The following PDE4D variants were observed in gnomAD, a reference collection of about 807,000 sequenced individuals.
PDE4D encodes the protein phosphodiesterase 4D.
PDE4D carries 24 observed loss-of-function variants against 87.4 expected under a neutral mutation model. That is an observed-to-expected ratio of 0.27 (90% CI 0.20 to 0.39). The LOEUF is 0.39. Ranked by LOEUF, PDE4D falls within the 10% of genes least tolerant of loss-of-function variation. The probability of loss-of-function intolerance (pLI) is 1.00; values close to 1 mark genes in which losing one functional copy is unlikely to be tolerated. For missense variants in PDE4D, 714 were observed against 1,041.0 expected (o/e 0.69, Z 4.32); for synonymous variants, 384 against 383.2 (o/e 1.00, Z -0.02).
chr5:59,156,886 A>G (rs1018694216), intron 5 of PDE4D, among the ~76,000 whole-genome samples: 4 of 152,148 alleles, frequency 2.6e-5, no homozygotes, highest in Admixed American at 1.3e-4. Context: ...TCTTTCTACC[A>G]TGTAATGCCT....
rs1356310097 is a variant in PDE4D, at chr5:59,817,740, A to ACC, written c.455+75427_455+75428insGG. On this transcript the variant is annotated intron_variant, in intron 1 of 14. Transcript: ENST00000340635. ...GGCACGCGCGCGCGCGCACACACCC[A>ACC]CACCCCCCCCCACACACACACAGAA... Among the ~76,000 whole-genome samples the ACC allele has an allele frequency of 1.3e-3, 164 of 127,174 alleles. 1 individual carries two copies. Among genetic ancestry groups the ACC allele is most frequent in the Middle Eastern group, 4.6e-3 (1 of 218 alleles). The allele number at this position is 127,174 out of a possible 152,430, so 83.4% of individuals were successfully genotyped here.
intron 1 of PDE4D, among the ~76,000 whole-genome samples, chr5:59,354,224 C>T (rs1780983401): frequency 6.6e-6 from 1 of 152,062 alleles, no homozygotes; most frequent in Non-Finnish European, 1.5e-5. Context: ...GAAATGTTGT[C>T]CAATGTCCAG....
chr5:60,313,909 C>A (rs749285114), intron 1 of PDE4D, among the ~76,000 whole-genome samples: 1 of 152,044 alleles, frequency 6.6e-6, no homozygotes. Context: ...TTTTAAAAAC[C>A]TTCAGCAAAC....
intron 1 of PDE4D, chr5:59,275,687 C>T (rs1270888632): frequency 1.8e-6 from 2 of 1,115,208 alleles, no homozygotes; most frequent in African/African-American, 3.2e-5. Context: ...GAACTGAATT[C>T]TGAATTGATT....
intron 2 of PDE4D, among the ~76,000 whole-genome samples, chr5:60,125,969 C>G (rs1779089980): frequency 6.6e-6 from 1 of 152,154 alleles, no homozygotes; most frequent in African/African-American, 2.4e-5. Flanking sequence ...CTTTAATATC[C>G]CAAATATCCT....
chr5:60,042,920 G>C (rs1768693878), intron 2 of PDE4D, among the ~76,000 whole-genome samples: 1 of 151,956 alleles, frequency 6.6e-6, no homozygotes, highest in Admixed American at 6.6e-5. Context: ...CACCAGCAAG[G>C]GAACAAAACT....
At chr5:59,922,545 A>G (rs1002719324) in intron 3 of PDE4D, among the ~76,000 whole-genome samples, 1 of 152,112 alleles carries the variant, frequency 6.6e-6, no homozygotes, top group African/African-American at 2.4e-5. Flanking sequence ...AGGCAGAGTC[A>G]TGAGCCCACC....
chr5:59,879,609 G>A (rs1310822633), intron 1 of PDE4D, among the ~76,000 whole-genome samples: 1 of 152,170 alleles, frequency 6.6e-6, no homozygotes, highest in Non-Finnish European at 1.5e-5. Flanking sequence ...TATAATAGAA[G>A]ATCCAAAATA....
intron 1 of PDE4D, among the ~76,000 whole-genome samples, chr5:59,233,253 C>T (rs553290791): frequency 6.6e-6 from 1 of 152,104 alleles, no homozygotes; most frequent in African/African-American, 2.4e-5. Context: ...ATTATACATC[C>T]TATTTATGTA....
chr5:59,495,934 T>C (rs1459622306), intron 1 of PDE4D, among the ~76,000 whole-genome samples: 2 of 152,284 alleles, frequency 1.3e-5, no homozygotes, highest in African/African-American at 4.8e-5. Flanking sequence ...TTGCCGTCTA[T>C]AGGCAGCTTG....
At chr5:60,136,778 C>T (rs1039776184) in intron 2 of PDE4D, among the ~76,000 whole-genome samples, 1 of 152,056 alleles carries the variant, frequency 6.6e-6, no homozygotes, top group Admixed American at 6.6e-5. Flanking sequence ...TTCAGATTAA[C>T]TTGCATCTAG....
chr5:60,415,574 G>T (rs535549519), intron 1 of PDE4D, among the ~76,000 whole-genome samples: 4 of 152,208 alleles, frequency 2.6e-5, no homozygotes, highest in Non-Finnish European at 4.4e-5. Flanking sequence ...CCGCCACCCC[G>T]GGCAGTGAGG....
chr5:60,514,766 C>T (rs1042544372), intron 1 of PDE4D, among the ~76,000 whole-genome samples: 5 of 151,966 alleles, frequency 3.3e-5, no homozygotes, highest in Non-Finnish European at 7.4e-5. Flanking sequence ...ACAAGCTTTT[C>T]TTCTGAAATC....
At chr5:59,131,244 C>T (rs1776209171) in intron 5 of PDE4D, among the ~76,000 whole-genome samples, 1 of 152,114 alleles carries the variant, frequency 6.6e-6, no homozygotes, top group African/African-American at 2.4e-5. Context: ...TTCAATCATA[C>T]ATTTTGTTTT....
chr5:60,172,994 T>G (rs991573386), intron 2 of PDE4D, among the ~76,000 whole-genome samples: 5 of 152,184 alleles, frequency 3.3e-5, no homozygotes, highest in African/African-American at 1.2e-4. Context: ...AAATCCACTT[T>G]CTGTCATAGA....
chr5:60,382,834 G>A (rs1761958831), intron 1 of PDE4D, among the ~76,000 whole-genome samples: 1 of 152,210 alleles, frequency 6.6e-6, no homozygotes, highest in Non-Finnish European at 1.5e-5. Context: ...GACAGTGAGC[G>A]CTAGGGAAGT....
At chr5:59,016,390 CTT>C (rs35622981) in intron 6 of PDE4D, among the ~76,000 whole-genome samples, 1,359 of 78,478 alleles carry the variant, frequency 0.017, 3 homozygotes, top group Non-Finnish European at 0.023. Context: ...TCAGTCTGTT[CTT>C]TTTTTTTTTT....
chr5:59,459,717 T>C (rs931057648), intron 1 of PDE4D, among the ~76,000 whole-genome samples: 8 of 152,226 alleles, frequency 5.3e-5, no homozygotes, highest in Admixed American at 2.0e-4. Context: ...ATCCACTTAA[T>C]TTACTCAATC....
intron 2 of PDE4D, among the ~76,000 whole-genome samples, chr5:60,124,570 A>G (rs1778964685): frequency 6.6e-6 from 1 of 152,114 alleles, no homozygotes; most frequent in East Asian, 1.9e-4. Flanking sequence ...CTTCAAGTAT[A>G]TCACTCCAGT....
Sources: gnomAD v4.1 joint callset for allele counts (sites outside exome capture counted in the v4.1 genomes callset) on GRCh38, gnomAD v4.1.1 for gene constraint, MANE v1.5 for transcripts, NCBI Gene and HGNC (gene_info 2026-07-23, HGNC 2026-07-21) for gene names.